Variants in MED13L observed in about 807,000 individuals in gnomAD.
The protein encoded by MED13L is mediator of RNA polymerase II transcription subunit 13-like.
A neutral mutation model predicts 220.9 loss-of-function variants in MED13L; 7 were observed. The ratio of observed to expected loss-of-function variants is 0.03; its 90% CI spans 0.02 to 0.06. MED13L has a LOEUF of 0.06. Among genes scored for constraint, MED13L ranks in the 10% least tolerant of loss-of-function variants. The pLI, the probability that MED13L is intolerant of heterozygous loss-of-function variation, is 1.00. For synonymous variants in MED13L, 1,011 were observed against 1,015.2 expected (o/e 1.00, Z 0.08); for missense variants, 1,965 against 2,760.5 (o/e 0.71, Z 6.46).
At chr12:116,236,321 CA>C (rs1870076245) in intron 2 of MED13L, among the ~76,000 whole-genome samples, 1 of 152,036 alleles carries the variant, frequency 6.6e-6, no homozygotes, top group Admixed American at 6.6e-5. Context: ...GTAAACAGTT[CA>C]ATTAGTCCAT....
At chr12:116,246,575 G>A (rs576550405) in intron 1 of MED13L, among the ~76,000 whole-genome samples, 239 of 150,506 alleles carry the variant, frequency 1.6e-3, no homozygotes, top group African/African-American at 5.3e-3. Context: ...CACTTTAGGA[G>A]GCCAAGGCAG....
At chr12:116,029,354 G>A (rs1352850040) in intron 4 of MED13L, among the ~76,000 whole-genome samples, 1 of 149,884 alleles carries the variant, frequency 6.7e-6, no homozygotes, top group Admixed American at 6.7e-5. Flanking sequence ...AAGTGCAAAG[G>A]TATGGAGAGT....
chr12:116,148,533 G>C, intron 2 of MED13L: 1 of 323,556 alleles, frequency 3.1e-6, no homozygotes, highest in South Asian at 2.8e-5. Flanking sequence ...AAAAAGTGAT[G>C]TCAAGTTGAC....
At chr12:116,103,204 A>G (rs1339283472) in intron 3 of MED13L, among the ~76,000 whole-genome samples, 1 of 152,126 alleles carries the variant, frequency 6.6e-6, no homozygotes, top group Admixed American at 6.5e-5. Context: ...CTCTAGTTTT[A>G]AACTTTTAAT....
chr12:116,268,340 T>C (rs906927478), intron 1 of MED13L, among the ~76,000 whole-genome samples: 3 of 152,232 alleles, frequency 2.0e-5, no homozygotes, highest in Non-Finnish European at 4.4e-5. Context: ...TATTTCTCTT[T>C]AGGGCATGAA....
At chr12:116,130,807 T>A (rs1340349058) in intron 2 of MED13L, among the ~76,000 whole-genome samples, 1 of 151,988 alleles carries the variant, frequency 6.6e-6, no homozygotes, top group Admixed American at 6.6e-5. Flanking sequence ...TGAATATATG[T>A]GGATTATTGT....
intron 4 of MED13L, among the ~76,000 whole-genome samples, chr12:116,081,785 T>A (rs1269496346): frequency 6.6e-6 from 1 of 152,210 alleles, no homozygotes; most frequent in African/African-American, 2.4e-5. Context: ...AAGGATCACC[T>A]GAGCCCAGAA....
At position 115,968,051 on chromosome 12, in the gene MED13L, AG is replaced by A. The variant is rs1240411885; in HGVS notation, c.6225+888del. Among the ~76,000 whole-genome samples, 14 of 85,634 alleles carry A rather than the reference AG, an allele frequency of 1.6e-4. No homozygotes were observed. In the East Asian group the frequency reaches 5.2e-3, roughly 32 times the overall value. 56.2% of individuals were successfully genotyped at this position (85,634 alleles called of 152,430 possible). ...TAATAAATTCAGTGCTGGGAATAAAAGTCCCCCCCCCCCCCCGATGAAAACT... is the reference window on the plus strand; with the variant it reads ...TAATAAATTCAGTGCTGGGAATAAAATCCCCCCCCCCCCCCGATGAAAACT... On this transcript the variant is annotated intron_variant, in intron 28 of 30. Transcript: ENST00000281928.
At chr12:116,269,029 C>G (rs1051677789) in intron 1 of MED13L, among the ~76,000 whole-genome samples, 3 of 152,122 alleles carry the variant, frequency 2.0e-5, no homozygotes, top group African/African-American at 7.2e-5. Flanking sequence ...ACTCGCTGCA[C>G]AGATTAACCC....
At chr12:116,238,822 C>T (rs986764270) in intron 1 of MED13L, among the ~76,000 whole-genome samples, 1 of 152,192 alleles carries the variant, frequency 6.6e-6, no homozygotes, top group Non-Finnish European at 1.5e-5. Flanking sequence ...TCAGGCTGAG[C>T]ACGGTGGTTC....
intron 17 of MED13L, among the ~76,000 whole-genome samples, chr12:115,988,017 T>A (rs1202379026): frequency 6.6e-6 from 1 of 152,206 alleles, no homozygotes; most frequent in Non-Finnish European, 1.5e-5. Context: ...GGGTTCATCA[T>A]GCAAATCAGA....
intron 4 of MED13L, among the ~76,000 whole-genome samples, chr12:116,069,428 AC>A (rs1010381444): frequency 1.3e-5 from 2 of 152,176 alleles, no homozygotes; most frequent in Non-Finnish European, 2.9e-5. Context: ...GCTAATTTGT[AC>A]TTCCCATTTG....
At chr12:116,055,119 T>C (rs1000045442) in intron 4 of MED13L, among the ~76,000 whole-genome samples, 1 of 152,282 alleles carries the variant, frequency 6.6e-6, no homozygotes, top group East Asian at 1.9e-4. Flanking sequence ...CTCTGTAAAA[T>C]TGATCTACAG....
intron 2 of MED13L, among the ~76,000 whole-genome samples, chr12:116,218,659 C>T (rs932120817): frequency 6.6e-6 from 1 of 151,674 alleles, no homozygotes; most frequent in African/African-American, 2.4e-5. Flanking sequence ...AATAACCCAA[C>T]ACAAAATCTG....
intron 1 of MED13L, among the ~76,000 whole-genome samples, chr12:116,273,157 A>C (rs1873525804): frequency 6.6e-6 from 1 of 152,054 alleles, no homozygotes; most frequent in Non-Finnish European, 1.5e-5. Context: ...ATACAAAATT[A>C]GCCGGGCGTG....
At chr12:116,014,752 T>C (rs1242993882) in intron 8 of MED13L, among the ~76,000 whole-genome samples, 1 of 152,112 alleles carries the variant, frequency 6.6e-6, no homozygotes, top group Admixed American at 6.5e-5. Flanking sequence ...CCCTTCACAA[T>C]AGGGACGCAT....
rs377238046 is a variant in MED13L, at chr12:116,274,839, C to T, written c.72+2221G>A. 3.0e-4 allele frequency among the ~76,000 whole-genome samples: 46 copies of T among 151,766 alleles called. 1 individual carries two copies. The East Asian group carries it at 8.1e-3, about 27-fold the overall frequency. The stretch of plus-strand genomic sequence containing the variant: ...AAAAAAGCATATTCAAAAATCAATC[C>T]CTTGGTTTAAAGAGGTTTAGGGGAG... On this transcript the variant is annotated intron_variant, in intron 1 of 30. Coordinates refer to ENST00000281928, the MANE Select transcript of MED13L (RefSeq NM_015335.5).
chr12:116,237,042 T>C (rs922297376), intron 2 of MED13L, among the ~76,000 whole-genome samples: 1 of 152,216 alleles, frequency 6.6e-6, no homozygotes, highest in Non-Finnish European at 1.5e-5. Context: ...AAACTAAATT[T>C]CTGTATCACT....
intron 4 of MED13L, among the ~76,000 whole-genome samples, chr12:116,089,667 C>A (rs533404292): frequency 2.6e-5 from 4 of 152,292 alleles, no homozygotes; most frequent in African/African-American, 9.6e-5. Context: ...CTCGCCTACA[C>A]AGATGAACTG....
Sources: gnomAD v4.1 joint callset for allele counts (sites outside exome capture counted in the v4.1 genomes callset) on GRCh38, gnomAD v4.1.1 for gene constraint, MANE v1.5 for transcripts, NCBI Gene and HGNC (gene_info 2026-07-23, HGNC 2026-07-21) for gene names.